The following TMEM131L variants were observed in gnomAD, a reference collection of about 807,000 sequenced individuals.
The protein encoded by TMEM131L is transmembrane protein 131-like.
TMEM131L carries 54 observed loss-of-function variants against 192.2 expected under a neutral mutation model. The observed-to-expected ratio is 0.28, with a 90% CI of 0.23 to 0.35. The LOEUF is 0.35. Among genes scored for constraint, TMEM131L ranks in the 10% least tolerant of loss-of-function variants. The pLI, the probability that TMEM131L is intolerant of heterozygous loss-of-function variation, is 1.00. For synonymous variants in TMEM131L, 701 were observed against 704.9 expected (o/e 0.99, Z 0.09); for missense variants, 1,888 against 1,972.9 (o/e 0.96, Z 0.82).
intron 3 of TMEM131L, among the ~76,000 whole-genome samples, chr4:153,502,509 T>C (rs923913226): frequency 5.3e-5 from 8 of 152,238 alleles, no homozygotes; most frequent in Middle Eastern, 3.2e-3. Flanking sequence ...ATCATTGATA[T>C]ATTAACTTGT....
chr4:153,585,763 A>G (rs1730661978), intron 13 of TMEM131L, 152 bp downstream of exon 13: 1 of 502,748 alleles, frequency 2.0e-6, no homozygotes, highest in South Asian at 7.9e-5. Context: ...TAAAACATGT[A>G]TTTTTCTTTT....
chr4:153,623,295 A>G (rs115335742), intron 29 of TMEM131L, among the ~76,000 whole-genome samples: 4,206 of 151,892 alleles, frequency 0.028, 119 homozygotes, highest in Admixed American at 0.085. Context: ...ATTGTTTGTT[A>G]GTGTCTGTCT....
chr4:153,549,591 C>T (rs1737453316), intron 3 of TMEM131L, among the ~76,000 whole-genome samples: 1 of 152,174 alleles, frequency 6.6e-6, no homozygotes, highest in African/African-American at 2.4e-5. Flanking sequence ...ATGTGACCTG[C>T]CATGTGAGAT....
Position 153,593,844 on chromosome 4 carries a change from C to T in TMEM131L, c.1968C>T (p.Phe656=). ...TGATTAATTTCACAACTGGTGAATTCCAGCTCACCGAAGCTTGCCCTTACC... is the reference window on the plus strand; with the variant it reads ...TGATTAATTTCACAACTGGTGAATTTCAGCTCACCGAAGCTTGCCCTTACC... ...MQMINFTTGE[F]QLTEACPYLG... The change falls in exon 19 of 35, where the codon TTC becomes TTT. Residue 656 remains phenylalanine, a synonymous_variant. Transcript: ENST00000409959. 6.2e-7 allele frequency: 1 copy of T among 1,613,452 alleles called. No homozygotes were observed. Among genetic ancestry groups the T allele is most frequent in the Non-Finnish European group, 8.5e-7 (1 of 1,179,456 alleles).
At chr4:153,519,880 A>G (rs1734987964) in intron 3 of TMEM131L, among the ~76,000 whole-genome samples, 1 of 152,246 alleles carries the variant, frequency 6.6e-6, no homozygotes, top group Non-Finnish European at 1.5e-5. Context: ...AGGGAAGTTT[A>G]CTAGTCCTTG....
At chr4:153,517,641 T>G (rs1734827527) in intron 3 of TMEM131L, among the ~76,000 whole-genome samples, 1 of 152,192 alleles carries the variant, frequency 6.6e-6, no homozygotes, top group Non-Finnish European at 1.5e-5. Flanking sequence ...GTCAGGAGCC[T>G]TTTGTTCAAG....
At chr4:153,587,906 C>CTG in intron 15 of TMEM131L, 95 bp downstream of exon 15, 1 of 876,300 alleles carries the variant, frequency 1.1e-6, no homozygotes, top group South Asian at 1.3e-5. Context: ...ATAATTAGTT[C>CTG]TGTAAAGGCA....
intron 3 of TMEM131L, among the ~76,000 whole-genome samples, chr4:153,489,822 T>C (rs1180599811): frequency 6.6e-6 from 1 of 152,016 alleles, no homozygotes; most frequent in Non-Finnish European, 1.5e-5. Context: ...GATTTAATAA[T>C]GAGCAAATAG....
Position 153,634,173 on chromosome 4 carries a change from C to T in TMEM131L, c.4329-19C>T. 1 of 1,605,076 alleles carries T rather than the reference C, an allele frequency of 6.2e-7. No individual in the cohort carries two copies. Among genetic ancestry groups the T allele is most frequent in the Non-Finnish European group, 8.5e-7 (1 of 1,171,890 alleles). On this transcript the variant is annotated intron_variant, in intron 32 of 34. Coordinates refer to ENST00000409959, the MANE Select transcript of TMEM131L (RefSeq NM_001131007.2). ...CTTGACATCCTGTTTCTGATTAGAC[C>T]ACTTGTTTTTTGTGGCAGTTTCATT...
intron 3 of TMEM131L, among the ~76,000 whole-genome samples, chr4:153,522,060 G>T (rs964036123): frequency 6.6e-6 from 1 of 152,068 alleles, no homozygotes; most frequent in Non-Finnish European, 1.5e-5. Flanking sequence ...AATCTTACAC[G>T]TGCTGCCCTG....
intron 3 of TMEM131L, among the ~76,000 whole-genome samples, chr4:153,503,193 A>T (rs1279941942): frequency 6.6e-6 from 1 of 152,238 alleles, no homozygotes; most frequent in Non-Finnish European, 1.5e-5. Context: ...TAGCAAATGC[A>T]CATGTGATGT....
At chr4:153,582,154 A>G (rs1314513313) in intron 9 of TMEM131L, among the ~76,000 whole-genome samples, 1 of 152,214 alleles carries the variant, frequency 6.6e-6, no homozygotes, top group Non-Finnish European at 1.5e-5. Flanking sequence ...TTGGTTATCA[A>G]GACTTCTGAA....
intron 26 of TMEM131L, among the ~76,000 whole-genome samples, chr4:153,617,428 T>C (rs1733058221): frequency 6.6e-6 from 1 of 152,216 alleles, no homozygotes; most frequent in Non-Finnish European, 1.5e-5. Context: ...TTGGTAACAA[T>C]TTGTTCACAT....
At chr4:153,488,756 C>G (rs781322925) in intron 3 of TMEM131L, among the ~76,000 whole-genome samples, 1 of 152,170 alleles carries the variant, frequency 6.6e-6, no homozygotes, top group Non-Finnish European at 1.5e-5. Flanking sequence ...CCTCACAGTC[C>G]GGTGGCTGGA....
intron 7 of TMEM131L, among the ~76,000 whole-genome samples, chr4:153,567,366 A>G (rs1578761610): frequency 2.0e-5 from 3 of 152,218 alleles, no homozygotes; most frequent in African/African-American, 7.2e-5. Context: ...TAATGTATTT[A>G]GTAACATTTT....
intron 31 of TMEM131L, among the ~76,000 whole-genome samples, chr4:153,630,544 G>C (rs1430831762): frequency 1.3e-5 from 2 of 152,240 alleles, no homozygotes; most frequent in Non-Finnish European, 2.9e-5. Flanking sequence ...GAGCCATTCT[G>C]TCATCTGTAA....
At chr4:153,497,753 C>T (rs763692660) in intron 3 of TMEM131L, among the ~76,000 whole-genome samples, 18 of 151,728 alleles carry the variant, frequency 1.2e-4, no homozygotes, top group Non-Finnish European at 2.2e-4. Flanking sequence ...TGATGACAAG[C>T]GTTAATGCTT....
intron 3 of TMEM131L, among the ~76,000 whole-genome samples, chr4:153,508,616 GATGA>G (rs1580100193): frequency 6.6e-6 from 1 of 151,714 alleles, no homozygotes; most frequent in South Asian, 2.1e-4. Context: ...AGTAAAAATT[GATGA>G]ATGATGTATC....
intron 17 of TMEM131L, among the ~76,000 whole-genome samples, chr4:153,592,128 G>GTATATATGTATATATA (rs1267406402): frequency 6.6e-5 from 10 of 151,928 alleles, no homozygotes; most frequent in Non-Finnish European, 1.0e-4. Flanking sequence ...AATATATACA[G>GTATATATGTATATATA]CATATATGTA....
Sources: allele counts gnomAD v4.1 joint callset (sites outside exome capture counted in the v4.1 genomes callset), GRCh38; gene constraint gnomAD v4.1.1; transcripts MANE v1.5; gene names NCBI Gene and HGNC (gene_info 2026-07-23, HGNC 2026-07-21).